Variants in PTGR1 observed in about 807,000 individuals in gnomAD.
The protein encoded by PTGR1 is prostaglandin reductase 1.
A neutral mutation model predicts 37.7 loss-of-function variants in PTGR1; 23 were observed. The ratio of observed to expected loss-of-function variants is 0.61; its 90% CI spans 0.44 to 0.86. The LOEUF is 0.86. Ranked by LOEUF, PTGR1 falls within the 40% of genes least tolerant of loss-of-function variation. PTGR1 has a pLI of 0.00. For synonymous variants in PTGR1, 134 were observed against 140.0 expected, an observed-to-expected ratio of 0.96 and a Z score of 0.30; for missense variants, 351 against 394.3, an observed-to-expected ratio of 0.89 and a Z score of 0.93.
Position 111,563,104 on chromosome 9 carries a change from T to C in PTGR1, c.*17A>G, listed in dbSNP as rs754164733. 1 of 1,611,312 alleles carries C rather than the reference T, an allele frequency of 6.2e-7. No homozygotes were observed. The highest frequency in any genetic ancestry group is 8.5e-7 in the Non-Finnish European group (1 of 1,179,196). ...CTAATCATCTAAATGGCCTCCAGAT[T>C]CCATGTGTCCTCTTTTTCATGCTTT... On this transcript the variant is annotated 3_prime_UTR_variant, in exon 10 of 10. Coordinates refer to ENST00000407693, the MANE Select transcript of PTGR1 (RefSeq NM_001146108.2).
chr9:111,560,974 T>TATAG (rs1564607823), downstream of PTGR1, among the ~76,000 whole-genome samples: 2 of 9,344 alleles, frequency 2.1e-4, no homozygotes, highest in African/African-American at 4.9e-4. Context: ...TATATATATA[T>TATAG]AGAGAGAGAG....
chr9:111,574,704 C>T, intron 8 of PTGR1, 30 bp downstream of exon 8: 1 of 1,512,842 alleles, frequency 6.6e-7, no homozygotes, highest in African/African-American at 1.4e-5. Flanking sequence ...AGCCTTGTGA[C>T]ATATGGGATC....
rs199858852 is a variant in PTGR1 at position 111,573,582 on chromosome 9, TG to T, written c.760+1151del. Among the ~76,000 whole-genome samples, 596 of 151,960 alleles carry T rather than the reference TG, an allele frequency of 3.9e-3. 3 individuals carry two copies. The highest frequency in any genetic ancestry group is 0.015 in the East Asian group (77 of 5,174). On this transcript the variant is annotated intron_variant, in intron 8 of 9. Transcript: ENST00000407693. ...TACTTTCTCGTACTTTCTCCTTTTT[TG>T]GGGGGGGACCATAGGTAATTTGTGA...
chr9:111,572,756 CAAAA>C (rs58101079), intron 8 of PTGR1, among the ~76,000 whole-genome samples: 1 of 63,510 alleles, frequency 1.6e-5, no homozygotes. Context: ...GACCCTGTCT[CAAAA>C]AAAAAAAAAA....
At chr9:111,581,485 A>G (rs1030990098) in intron 6 of PTGR1, among the ~76,000 whole-genome samples, 1 of 152,242 alleles carries the variant, frequency 6.6e-6, no homozygotes, top group African/African-American at 2.4e-5. Context: ...GAATAACAAG[A>G]AATGCTTATA....
At chr9:111,586,267 G>T in intron 4 of PTGR1, 102 bp from the exon 5 acceptor site, 1 of 1,147,044 alleles carries the variant, frequency 8.7e-7, no homozygotes. Flanking sequence ...GTGCACTGAG[G>T]TTGATATTCC....
intron 3 of PTGR1, 53 bp from the exon 4 acceptor site, chr9:111,593,035 T>G: frequency 1.3e-6 from 2 of 1,508,138 alleles, no homozygotes; most frequent in African/African-American, 1.5e-5. Flanking sequence ...ATAAATAAAA[T>G]TCCATTCTTA....
At chr9:111,564,760 CAT>C (rs1329122952) in intron 9 of PTGR1, among the ~76,000 whole-genome samples, 1 of 152,048 alleles carries the variant, frequency 6.6e-6, no homozygotes, top group African/African-American at 2.4e-5. Context: ...AATCCAAATC[CAT>C]ATGTTTAAGT....
intron 6 of PTGR1, among the ~76,000 whole-genome samples, chr9:111,581,589 A>C (rs760587495): frequency 2.0e-5 from 3 of 152,220 alleles, no homozygotes; most frequent in Non-Finnish European, 4.4e-5. Flanking sequence ...AAATTGAAAA[A>C]GTAGAGCAAT....
At chr9:111,585,448 G>A (rs984446009) in intron 5 of PTGR1, among the ~76,000 whole-genome samples, 7 of 152,198 alleles carry the variant, frequency 4.6e-5, no homozygotes, top group African/African-American at 1.7e-4. Flanking sequence ...GAAAGAATAA[G>A]AAGTGCTGGA....
intron 8 of PTGR1, 123 bp from the exon 9 acceptor site, chr9:111,570,332 T>A: frequency 7.0e-7 from 1 of 1,423,676 alleles, no homozygotes. Flanking sequence ...TCCCCTTCCA[T>A]TTCCTCACTC....
rs184986865 is a variant in PTGR1 at position 111,568,683 on chromosome 9, G to A, written c.879+1408C>T. Among the ~76,000 whole-genome samples the A allele has an allele frequency of 4.6e-5, 7 of 152,222 alleles. No homozygotes were observed. The East Asian group carries it at 5.8e-4, about 13-fold the overall frequency. On this transcript the variant is annotated intron_variant, in intron 9 of 9. Transcript: ENST00000407693. The stretch of plus-strand genomic sequence containing the variant: ...GTTTTGTGGCTCAGGTGGGTATCAC[G>A]GTCCTACTGATATGTGGTGTCGCCC...
chr9:111,574,973 T>G (rs921884111), intron 7 of PTGR1, 131 bp from the exon 8 acceptor site: 3 of 647,498 alleles, frequency 4.6e-6, no homozygotes, highest in Admixed American at 3.2e-5. Context: ...AGCCCAACAG[T>G]GCAGAAGACT....
chr9:111,559,763 A>G (rs1160677474), downstream of PTGR1, among the ~76,000 whole-genome samples: 1 of 152,208 alleles, frequency 6.6e-6, no homozygotes, highest in Non-Finnish European at 1.5e-5. Flanking sequence ...ACCCCAGCAG[A>G]CAGTCACCTT....
intron 3 of PTGR1, among the ~76,000 whole-genome samples, chr9:111,593,840 C>G: frequency 6.6e-6 from 1 of 152,252 alleles, no homozygotes; most frequent in South Asian, 2.1e-4. Flanking sequence ...CCTGCGCCAC[C>G]AGGCCTGGCT....
intron 9 of PTGR1, among the ~76,000 whole-genome samples, chr9:111,553,021 C>T (rs1828015108): frequency 6.6e-6 from 1 of 152,150 alleles, no homozygotes; most frequent in African/African-American, 2.4e-5. Flanking sequence ...GGTTTACAAA[C>T]TCAGACCCTT....
chr9:111,560,974 T>TATAGAGAGAG (rs1564607823), downstream of PTGR1, among the ~76,000 whole-genome samples: 1 of 9,344 alleles, frequency 1.1e-4, no homozygotes, highest in Non-Finnish European at 1.9e-4. Flanking sequence ...TATATATATA[T>TATAGAGAGAG]AGAGAGAGAG....
At chr9:111,561,561 C>T (rs77384947), downstream of PTGR1, among the ~76,000 whole-genome samples, 1,109 of 152,198 alleles carry the variant, frequency 7.3e-3, 4 homozygotes, top group Non-Finnish European at 0.01. Flanking sequence ...TATGCCTGGC[C>T]CTTCAGTAAT....
At chr9:111,557,544 CAA>C (rs915124571) in intron 9 of PTGR1, among the ~76,000 whole-genome samples, 2 of 151,812 alleles carry the variant, frequency 1.3e-5, no homozygotes, top group African/African-American at 4.8e-5. Context: ...CTCCCGGGTT[CAA>C]GTGATTCTCA....
Sources: allele counts gnomAD v4.1 joint callset (sites outside exome capture counted in the v4.1 genomes callset), GRCh38; gene constraint gnomAD v4.1.1; transcripts MANE v1.5; gene names NCBI Gene and HGNC (gene_info 2026-07-23, HGNC 2026-07-21).